Variants in PHF19 observed in about 807,000 individuals in gnomAD.
PHF19 encodes the protein polycomb like 3.
PHF19 carries 21 observed loss-of-function variants against 79.8 expected under a neutral mutation model. That is an observed-to-expected ratio of 0.26 (90% CI 0.19 to 0.38). PHF19 has a LOEUF of 0.38. Among genes scored for constraint, PHF19 ranks in the 10% least tolerant of loss-of-function variants. The pLI is 1.00. For missense variants in PHF19, 445 were observed against 744.2 expected, an observed-to-expected ratio of 0.60 and a Z score of 4.68; for synonymous variants, 273 against 296.3, an observed-to-expected ratio of 0.92 and a Z score of 0.81.
At chr9:120,880,627 G>A (rs937882923), upstream of PHF19, among the ~76,000 whole-genome samples, 4 of 152,208 alleles carry the variant, frequency 2.6e-5, no homozygotes, top group Non-Finnish European at 5.9e-5. Flanking sequence ...ACATCAAGTT[G>A]TAGCATAGGT....
At position 120,870,317 on chromosome 9, in the gene PHF19, C is replaced by A; in HGVS notation, c.364+126G>T. 1 of 695,712 alleles carries A rather than the reference C, an allele frequency of 1.4e-6. No individual in the cohort carries two copies. 43.1% of individuals were successfully genotyped at this position (695,712 alleles called of 1,614,324 possible). ...CTTACAGCAACTGGCCCCCTTTCAC[C>A]CTGCAGTGCCAAGAGAAACAGGAAG... On this transcript the variant is annotated intron_variant, in intron 4 of 14. Transcript: ENST00000373896. The surrounding 1 kb of genome is among the most constrained non-coding windows in gnomAD (Gnocchi z 4.4).
intron 6 of PHF19, chr9:120,868,693 T>G (rs2045782354): frequency 4.3e-5 from 12 of 281,920 alleles, no homozygotes; most frequent in Middle Eastern, 2.0e-3. Context: ...CCCCGAGCCC[T>G]TCCCTTCAGG....
chr9:120,874,461 C>T lies in PHF19; in HGVS notation c.186+95G>A. Reference sequence around the variant, plus strand: ...CATGAGGGACAAGAAGGGAATTCTCCAGCAATCCCCCTGCCCCCTGGTCTG... The same window carrying T: ...CATGAGGGACAAGAAGGGAATTCTCTAGCAATCCCCCTGCCCCCTGGTCTG... On this transcript the variant is annotated intron_variant, in intron 2 of 14. Coordinates refer to ENST00000373896, the MANE Select transcript of PHF19 (RefSeq NM_015651.3). The surrounding 1 kb of genome is among the most constrained non-coding windows in gnomAD (Gnocchi z 4.5). 3.6e-6 allele frequency: 3 copies of T among 831,722 alleles called. No individual in the cohort carries two copies. The highest frequency in any genetic ancestry group is 1.7e-5 in the South Asian group (1 of 60,400). 51.5% of individuals were successfully genotyped at this position (831,722 alleles called of 1,614,324 possible).
chr9:120,890,273 C>CTTTTTT (rs10658749), intron 1 of PHF19, among the ~76,000 whole-genome samples: 11 of 115,394 alleles, frequency 9.5e-5, no homozygotes, highest in African/African-American at 1.6e-4. Context: ...AATGAGCCTG[C>CTTTTTT]TTTTTTTTTT....
rs748108097 is a variant in PHF19 at position 120,869,162 on chromosome 9, G to A, written c.614+20C>T. The A allele has an allele frequency of 1.9e-6, 3 of 1,596,480 alleles. No homozygotes were observed. The highest frequency in any genetic ancestry group is 4.5e-5 in the East Asian group (2 of 44,292). On this transcript the variant is annotated intron_variant, in intron 6 of 14. Coordinates refer to ENST00000373896, the MANE Select transcript of PHF19 (RefSeq NM_015651.3). The surrounding 1 kb of genome is among the most constrained non-coding windows in gnomAD (Gnocchi z 5.8). ...GGAGACCTGCCCTGCCGCCCGGGGG[G>A]CCCTGACCCCCTGCCTTACTCTCCG... is the stretch of plus-strand genomic sequence containing the variant.
At position 120,860,010 on chromosome 9, in the gene PHF19, T is replaced by C; in HGVS notation, c.1400+80A>G. On this transcript the variant is annotated intron_variant, in intron 14 of 14. Coordinates refer to ENST00000373896, the MANE Select transcript of PHF19 (RefSeq NM_015651.3). The surrounding 1 kb of genome is among the most constrained non-coding windows in gnomAD (Gnocchi z 4.1). ...TGAGACACATAGAATGAGCCACACATTACAGAAGTGGGAGGTGGAGGGGCT... is the reference window on the plus strand; with the variant it reads ...TGAGACACATAGAATGAGCCACACACTACAGAAGTGGGAGGTGGAGGGGCT... The C allele has an allele frequency of 1.3e-6, 1 of 760,610 alleles. No individual in the cohort carries two copies. The highest frequency in any genetic ancestry group is 1.5e-5 in the South Asian group (1 of 67,754). 47.1% of individuals were successfully genotyped at this position (760,610 alleles called of 1,614,324 possible). A position where few individuals can be genotyped will look rare whatever the true frequency, so the allele number is the denominator to read the frequency against.
At chr9:120,872,260 A>G (rs1463485308) in intron 3 of PHF19, among the ~76,000 whole-genome samples, 2 of 152,198 alleles carry the variant, frequency 1.3e-5, no homozygotes, top group Non-Finnish European at 1.5e-5. Flanking sequence ...CAATGGATCA[A>G]TAACTACAGT....
In PHF19 at chr9:120,874,867, G is replaced by T; in HGVS notation, c.-15-111C>A. 1.5e-6 allele frequency: 1 copy of T among 650,494 alleles called. No homozygotes were observed. The highest frequency in any genetic ancestry group is 1.8e-5 in the African/African-American group (1 of 55,142). 40.3% of individuals were successfully genotyped at this position (650,494 alleles called of 1,614,324 possible). ...TACCCTGTGCTATAAGCCAGACTTGGTTATTATCTCACTGATTCCTCGTGA... is the reference window on the plus strand; with the variant it reads ...TACCCTGTGCTATAAGCCAGACTTGTTTATTATCTCACTGATTCCTCGTGA... On this transcript the variant is annotated intron_variant, in intron 1 of 14. Coordinates refer to ENST00000373896, the MANE Select transcript of PHF19 (RefSeq NM_015651.3). This position sits in a 1 kb window ranked among gnomAD's most constrained non-coding sequence, Gnocchi z 4.5.
chr9:120,857,931 C>A lies in PHF19; in HGVS notation c.*13G>T. On this transcript the variant is annotated 3_prime_UTR_variant, in exon 15 of 15. Transcript: ENST00000373896. ...CTTTGGTTTTCAGGACCCCTGGCAC[C>A]CCCGGGGGCTAGTCAGTAAGGGGTG... 1 of 1,511,286 alleles carries A rather than the reference C, an allele frequency of 6.6e-7. No homozygotes were observed. The highest frequency in any genetic ancestry group is 9.0e-7 in the Non-Finnish European group (1 of 1,110,562). 93.6% of individuals were successfully genotyped at this position (1,511,286 alleles called of 1,614,324 possible). A position where few individuals can be genotyped will look rare whatever the true frequency, so the allele number is the denominator to read the frequency against.
intron 1 of PHF19, among the ~76,000 whole-genome samples, chr9:120,893,461 C>G (rs982313396): frequency 6.6e-5 from 10 of 152,338 alleles, no homozygotes; most frequent in Non-Finnish European, 8.8e-5. Context: ...GTGCTAAAGA[C>G]CCTGTCCTGT....
rs2045720369 is a variant in PHF19 at position 120,866,924 on chromosome 9, C to T, written c.656G>A (p.Trp219Ter). The change falls in exon 7 of 15, where the codon TGG (tryptophan) becomes TAG (stop). Residue 219 changes from tryptophan to a stop codon, truncating the protein, a stop_gained. Coordinates refer to ENST00000373896, the MANE Select transcript of PHF19 (RefSeq NM_015651.3). LOFTEE classifies it high-confidence loss of function. The surrounding 1 kb of genome is among the most constrained non-coding windows in gnomAD (Gnocchi z 5.2). ...RMLQCYRCRQWFHEACTQCLN... is the reference protein window; with the variant it reads ...RMLQCYRCRQ ...GCACTGGGTGCAGGCCTCGTGGAAC[C>T]ACTGCCTGCACCGGTAACATTGCAG... 3 of 1,612,806 alleles carry T rather than the reference C, an allele frequency of 1.9e-6. No individual in the cohort carries two copies. The highest frequency in any genetic ancestry group is 2.5e-6 in the Non-Finnish European group (3 of 1,178,768).
chr9:120,880,886 G>A (rs1206597388), upstream of PHF19, among the ~76,000 whole-genome samples: 1 of 151,998 alleles, frequency 6.6e-6, no homozygotes, highest in Non-Finnish European at 1.5e-5. Context: ...ATTGAGCCCA[G>A]GAGTTTGAGG....
At position 120,869,610 on chromosome 9, in the gene PHF19, T is replaced by C. The variant is rs891522117; in HGVS notation, c.465+235A>G. 1.3e-6 allele frequency: 2 copies of C among 1,500,136 alleles called. No individual in the cohort carries two copies. Among genetic ancestry groups the C allele is most frequent in the African/African-American group, 2.8e-5 (2 of 71,310 alleles). 92.9% of individuals were successfully genotyped at this position (1,500,136 alleles called of 1,614,324 possible). On this transcript the variant is annotated intron_variant, in intron 5 of 14. Coordinates refer to ENST00000373896, the MANE Select transcript of PHF19 (RefSeq NM_015651.3). The surrounding 1 kb of genome is among the most constrained non-coding windows in gnomAD (Gnocchi z 5.8). ...GATTTTCTTTTTTAATAGTAAAGCA[T>C]CATTTATTGGTCCCGTTATTCCCGA...
upstream of PHF19, among the ~76,000 whole-genome samples, chr9:120,896,828 T>C (rs2046406880): frequency 6.6e-6 from 1 of 152,254 alleles, no homozygotes; most frequent in African/African-American, 2.4e-5. Flanking sequence ...AAATGAAGTT[T>C]CATCTACTTA....
upstream of PHF19, among the ~76,000 whole-genome samples, chr9:120,882,165 A>G (rs1265938827): frequency 6.6e-6 from 1 of 152,166 alleles, no homozygotes. Flanking sequence ...CGTAGTGATA[A>G]ACTCAGTGTC....
chr9:120,874,490 G>T lies in PHF19; in HGVS notation c.186+66C>A, dbSNP rs991803174. ...AATCCCCCTGCCCCCTGGTCTGACA[G>T]CCAGGCTGGAACATGAGCAGAGAGA... On this transcript the variant is annotated intron_variant, in intron 2 of 14. Coordinates refer to ENST00000373896, the MANE Select transcript of PHF19 (RefSeq NM_015651.3). The surrounding 1 kb of genome is among the most constrained non-coding windows in gnomAD (Gnocchi z 4.5). The T allele has an allele frequency of 1.5e-5, 17 of 1,099,270 alleles. No homozygotes were observed. The highest frequency in any genetic ancestry group is 7.2e-5 in the East Asian group (3 of 41,942). The allele number at this position is 1,099,270 out of a possible 1,614,324, so 68.1% of individuals were successfully genotyped here. A position where few individuals can be genotyped will look rare whatever the true frequency, so the allele number is the denominator to read the frequency against.
In PHF19 at chr9:120,874,665, A is replaced by G. The variant is rs756611774; in HGVS notation, c.77T>C (p.Leu26Pro). The change falls in exon 2 of 15, where the codon CTG becomes CCG. Residue 26 changes from leucine to proline, a missense_variant. Leu to Pro is a moderately conservative substitution (Grantham distance 98). Transcript: ENST00000373896. This position sits in a 1 kb window ranked among gnomAD's most constrained non-coding sequence, Gnocchi z 4.5. ...TTTGAAGTTGTTCTTGACCTTCGCC[A>G]GGGCCCCCTTGTTGGGGAGGTGGCT... ...ATSHLPNKGA[L>P]AKVKNNFKDL... The G allele has an allele frequency of 6.8e-6, 11 of 1,613,784 alleles. No homozygotes were observed. The highest frequency in any genetic ancestry group is 9.3e-6 in the Non-Finnish European group (11 of 1,179,658).
intron 1 of PHF19, among the ~76,000 whole-genome samples, chr9:120,887,862 T>C (rs906798937): frequency 6.6e-6 from 1 of 152,200 alleles, no homozygotes; most frequent in Non-Finnish European, 1.5e-5. Flanking sequence ...ACATACCTAG[T>C]GTATCTCCCA....
At chr9:120,875,017 G>GA (rs1372870683) in intron 1 of PHF19, among the ~76,000 whole-genome samples, 1 of 152,212 alleles carries the variant, frequency 6.6e-6, no homozygotes, top group Non-Finnish European at 1.5e-5. Flanking sequence ...CTTTTAAAGA[G>GA]AATGGATCTC....
Sources: gnomAD v4.1 joint callset for allele counts (sites outside exome capture counted in the v4.1 genomes callset) on GRCh38, gnomAD v4.1.1 for gene constraint, Gnocchi (gnomAD v3.1) non-coding constraint, MANE v1.5 for transcripts, NCBI Gene and HGNC (gene_info 2026-07-23, HGNC 2026-07-21) for gene names.